Variants in FGD6 observed in about 807,000 individuals in gnomAD.
FGD6 encodes FYVE, RhoGEF and PH domain-containing protein 6.
FGD6 carries 90 observed loss-of-function variants against 149.4 expected under a neutral mutation model. The ratio of observed to expected loss-of-function variants is 0.60; its 90% CI spans 0.51 to 0.72. The LOEUF (loss-of-function observed/expected upper bound fraction) is 0.72, where lower values mean the gene tolerates loss of function less well. FGD6 is among the 30% of genes least tolerant of loss of function. The probability of loss-of-function intolerance (pLI) is 0.00; values close to 1 mark genes in which losing one functional copy is unlikely to be tolerated. For missense variants in FGD6, 1,437 were observed against 1,684.8 expected, an observed-to-expected ratio of 0.85 and a Z score of 2.57; for synonymous variants, 527 against 584.0, an observed-to-expected ratio of 0.90 and a Z score of 1.41.
intron 7 of FGD6, among the ~76,000 whole-genome samples, chr12:95,135,386 G>A (rs1405092126): frequency 6.6e-6 from 1 of 152,174 alleles, no homozygotes; most frequent in African/African-American, 2.4e-5. Flanking sequence ...GAATGTAAAA[G>A]TCTTTTGCAG....
chr12:95,145,559 TC>T (rs1401400121), intron 5 of FGD6, among the ~76,000 whole-genome samples: 2 of 152,176 alleles, frequency 1.3e-5, no homozygotes, highest in Non-Finnish European at 2.9e-5. Context: ...TAATTTTCCA[TC>T]CACTAACGCC....
chr12:95,102,391 C>A (rs912380303), intron 14 of FGD6, among the ~76,000 whole-genome samples: 1 of 142,030 alleles, frequency 7.0e-6, no homozygotes, highest in Non-Finnish European at 1.5e-5. Context: ...CTGCAGTCAG[C>A]CGAGATCGTG....
chr12:95,088,451 C>G (rs569618675), intron 18 of FGD6, among the ~76,000 whole-genome samples: 1 of 152,274 alleles, frequency 6.6e-6, no homozygotes, highest in Admixed American at 6.5e-5. Flanking sequence ...TACTGAGGCT[C>G]TAAATGTAAT....
chr12:95,096,144 T>C (rs1208678246), intron 14 of FGD6, among the ~76,000 whole-genome samples: 1 of 152,188 alleles, frequency 6.6e-6, no homozygotes, highest in African/African-American at 2.4e-5. Context: ...GAATATACAG[T>C]TTCTGGTATT....
At chr12:95,148,514 T>TTATATTATATATTATATAATATATAGCA (rs1565908068) in intron 5 of FGD6, among the ~76,000 whole-genome samples, 4 of 116,600 alleles carry the variant, frequency 3.4e-5, no homozygotes, top group Non-Finnish European at 7.0e-5. Flanking sequence ...ATAGCATATA[T>TTATATTATATATTATATAATATATAGCA]TATATTATAT....
intron 15 of FGD6, among the ~76,000 whole-genome samples, chr12:95,093,422 G>A (rs1878132094): frequency 6.6e-6 from 1 of 152,090 alleles, no homozygotes; most frequent in African/African-American, 2.4e-5. Flanking sequence ...GCTCACGCCT[G>A]TAATACCAGC....
Position 95,141,399 on chromosome 12 carries a change from T to G in FGD6, c.2826A>C (p.Arg942Ser). The G allele has an allele frequency of 1.2e-6, 2 of 1,614,042 alleles. No individual in the cohort carries two copies. The highest frequency in any genetic ancestry group is 8.5e-7 in the Non-Finnish European group (1 of 1,179,946). ...NRDLLKELEE[R>S]MLHWTEQQRI... is the part of the protein sequence containing the mutation. ...CGGTCCATTTTTACCAGTGCAACAT[T>G]CTTTCCTCCAGTTCCTTCAAGAGAT... is the stretch of plus-strand genomic sequence containing the variant. The change falls in exon 6 of 21, where the codon AGA becomes AGC. Residue 942 changes from arginine (R) to serine (S), a missense_variant. Physicochemically the swap from Arg to Ser is moderately radical, Grantham distance 110 (BLOSUM62 -1). Coordinates refer to ENST00000343958, the MANE Select transcript of FGD6 (RefSeq NM_018351.4).
intron 6 of FGD6, among the ~76,000 whole-genome samples, chr12:95,138,205 AAAATAAATAAATAAATAAAT>A (rs35510034): frequency 1.5e-5 from 2 of 135,966 alleles, no homozygotes; most frequent in Non-Finnish European, 3.1e-5. Flanking sequence ...TTCTGTCTCA[AAAATAAATAAATAAATAAAT>A]AAATAAATAA....
rs1258468294 is a variant in FGD6, at chr12:95,211,050, G to T, written c.234C>A (p.Asn78Lys). 1.2e-5 allele frequency: 19 copies of T among 1,613,970 alleles called. No homozygotes were observed. Among genetic ancestry groups the T allele is most frequent in the Non-Finnish European group, 1.6e-5 (19 of 1,180,026 alleles). ...CTAATTCCTGTTTATGCCCTTCCAG[G>T]TTCAACATGATTTTCCTTGATGGCG... ...GQSPSRKIML[N>K]LEGHKQELAE... The change falls in exon 2 of 21, where the codon AAC (asparagine) becomes AAA (lysine). Residue 78 changes from asparagine (N) to lysine (K), a missense_variant. Transcript: ENST00000343958.
intron 14 of FGD6, chr12:95,101,010 G>A (rs1878410710): frequency 6.1e-6 from 2 of 325,820 alleles, no homozygotes; most frequent in South Asian, 6.5e-5. Flanking sequence ...CAGCGGAAGA[G>A]AGGTTGCCAC....
chr12:95,105,090 G>A lies in FGD6; in HGVS notation c.3418-4C>T. ...CTTCTTGGGTAGGTTTTCTGACCTG[G>A]AAGAAAGCACAACAATTTGAGCCGA... is the stretch of plus-strand genomic sequence containing the variant. On this transcript the variant is annotated splice_polypyrimidine_tract_variant and splice_region_variant and intron_variant, in intron 13 of 20. Transcript: ENST00000343958. 5 of 1,605,526 alleles carry A rather than the reference G, an allele frequency of 3.1e-6. No individual in the cohort carries two copies. The highest frequency in any genetic ancestry group is 4.2e-6 in the Non-Finnish European group (5 of 1,177,694).
chr12:95,197,442 A>C (rs1881760381), intron 2 of FGD6, among the ~76,000 whole-genome samples: 1 of 152,108 alleles, frequency 6.6e-6, no homozygotes, highest in Admixed American at 6.6e-5. Flanking sequence ...CTAAAAAATA[A>C]AAACAAACAA....
intron 8 of FGD6, among the ~76,000 whole-genome samples, chr12:95,117,207 C>A (rs1751520143): frequency 6.6e-6 from 1 of 152,118 alleles, no homozygotes; most frequent in Non-Finnish European, 1.5e-5. Flanking sequence ...ATAAAACTGC[C>A]TCAAATGCCA....
rs1337485656 is a variant in FGD6 at position 95,210,119 on chromosome 12, C to T, written c.1165G>A (p.Glu389Lys). The part of the protein sequence containing the change: ...KLGNKSELNM[E>K]SNSDAQDLVN... ...AAGTCCTGTGCATCACTGTTGGATT[C>T]CATATTCAATTCACTTTTATTTCCT... The change falls in exon 2 of 21, where the codon GAA becomes AAA. Residue 389 changes from glutamate to lysine, a missense_variant. This residue lies in a region of FGD6 where 1,055 missense variants were observed against 1,146.0 expected (regional missense o/e 0.92). Transcript: ENST00000343958. 2 of 1,614,084 alleles carry T rather than the reference C, an allele frequency of 1.2e-6. No homozygotes were observed. The highest frequency in any genetic ancestry group is 1.7e-6 in the Non-Finnish European group (2 of 1,180,012).
At chr12:95,214,519 T>C (rs1031572359) in intron 1 of FGD6, among the ~76,000 whole-genome samples, 3 of 152,180 alleles carry the variant, frequency 2.0e-5, no homozygotes, top group African/African-American at 7.2e-5. Context: ...GTGAAATAAG[T>C]GCATGACATT....
chr12:95,164,373 T>A (rs1398313125), intron 3 of FGD6, among the ~76,000 whole-genome samples: 1 of 151,672 alleles, frequency 6.6e-6, no homozygotes, highest in African/African-American at 2.4e-5. Flanking sequence ...GCTTTGTAAA[T>A]TCTTAATTGT....
At chr12:95,125,436 G>A (rs1879306360) in intron 8 of FGD6, among the ~76,000 whole-genome samples, 1 of 152,096 alleles carries the variant, frequency 6.6e-6, no homozygotes, top group Non-Finnish European at 1.5e-5. Context: ...AATTCAAGAT[G>A]AGCCTGGGCA....
intron 2 of FGD6, among the ~76,000 whole-genome samples, chr12:95,179,354 T>A (rs1311282872): frequency 6.7e-6 from 1 of 149,734 alleles, no homozygotes; most frequent in East Asian, 2.0e-4. Flanking sequence ...AAAAAAAAAA[T>A]TGCATGGTGG....
chr12:95,155,274 T>C (rs1214115425), intron 3 of FGD6, among the ~76,000 whole-genome samples: 2 of 152,068 alleles, frequency 1.3e-5, no homozygotes, highest in African/African-American at 4.8e-5. Context: ...CACCTGTAAT[T>C]CCAGCACTTT....
Sources: allele counts gnomAD v4.1 joint callset (sites outside exome capture counted in the v4.1 genomes callset), GRCh38; gene constraint gnomAD v4.1.1; regional missense constraint gnomAD v4.1.1; transcripts MANE v1.5; gene names NCBI Gene and HGNC (gene_info 2026-07-23, HGNC 2026-07-21).